ACBD6: variants seen among roughly 807,000 people sequenced by gnomAD.
ACBD6 encodes the protein acyl-CoA-binding domain-containing protein 6.
In ACBD6, 28 loss-of-function variants were observed where a neutral mutation model predicts 37.2. The ratio of observed to expected loss-of-function variants is 0.75; its 90% CI spans 0.56 to 1.03. The LOEUF (loss-of-function observed/expected upper bound fraction) is 1.03, where lower values mean the gene tolerates loss of function less well. Ranked by LOEUF, ACBD6 falls within the 50% of genes least tolerant of loss-of-function variation. The pLI is 0.00. For synonymous variants in ACBD6, 113 were observed against 126.8 expected (o/e 0.89, Z 0.73); for missense variants, 340 against 337.4 (o/e 1.01, Z -0.06).
At chr1:180,275,974 G>A (rs370226839) in intron 9 of ACBD6, 5 of 152,250 alleles carry the variant, frequency 3.3e-5, no homozygotes, top group African/African-American at 1.2e-4. Context: ...GGGAAACGCT[G>A]TCCTGAATGG....
intron 3 of ACBD6, among the ~76,000 whole-genome samples, chr1:180,478,902 A>G (rs1317995602): frequency 1.3e-5 from 2 of 152,166 alleles, no homozygotes; most frequent in Non-Finnish European, 2.9e-5. Flanking sequence ...CCAAGGCAGG[A>G]GGATCACTTG....
At chr1:180,468,546 CT>C (rs1447775810) in intron 3 of ACBD6, among the ~76,000 whole-genome samples, 1 of 152,174 alleles carries the variant, frequency 6.6e-6, no homozygotes, top group Admixed American at 6.5e-5. Context: ...GTAGTATATA[CT>C]GTTTTATCTT....
intron 8 of ACBD6, among the ~76,000 whole-genome samples, chr1:180,282,144 G>A (rs1649331805): frequency 6.6e-6 from 1 of 152,228 alleles, no homozygotes; most frequent in South Asian, 2.1e-4. Context: ...AATTGGGCAA[G>A]TTACAGGGTG....
At chr1:180,368,461 T>C (rs1653133528) in intron 6 of ACBD6, among the ~76,000 whole-genome samples, 1 of 152,204 alleles carries the variant, frequency 6.6e-6, no homozygotes, top group African/African-American at 2.4e-5. Flanking sequence ...AGTTTCTATG[T>C]CCAGGATGGT....
exon 14 of ACBD6, chr1:180,271,760 C>T (rs1165727967): frequency 6.4e-7 from 1 of 1,557,530 alleles, no homozygotes; most frequent in Non-Finnish European, 8.9e-7. Context: ...TTCCAGCCGC[C>T]CGCCTAGGGG....
intron 6 of ACBD6, among the ~76,000 whole-genome samples, chr1:180,388,188 A>G (rs1196607573): frequency 1.3e-5 from 2 of 151,928 alleles, no homozygotes; most frequent in Non-Finnish European, 2.9e-5. Context: ...AAAAAAAAAA[A>G]AAAAGAAAAA....
At chr1:180,453,133 G>T (rs975756370) in intron 3 of ACBD6, among the ~76,000 whole-genome samples, 3 of 152,132 alleles carry the variant, frequency 2.0e-5, no homozygotes, top group African/African-American at 4.8e-5. Context: ...TTTCAGGCCA[G>T]TATCCCTGAT....
At chr1:180,473,592 A>C (rs1226690184) in intron 3 of ACBD6, among the ~76,000 whole-genome samples, 1 of 152,238 alleles carries the variant, frequency 6.6e-6, no homozygotes, top group East Asian at 1.9e-4. Context: ...AGAATTTCAA[A>C]AACTGTAAAA....
chr1:180,455,293 T>TG, intron 3 of ACBD6, among the ~76,000 whole-genome samples: 1 of 152,140 alleles, frequency 6.6e-6, no homozygotes, highest in East Asian at 1.9e-4. Flanking sequence ...ACACCACATA[T>TG]TCTCATTCAT....
intron 5 of ACBD6, among the ~76,000 whole-genome samples, chr1:180,413,097 G>A (rs377300120): frequency 9.2e-5 from 14 of 152,074 alleles, no homozygotes; most frequent in East Asian, 5.8e-4. Flanking sequence ...CTTATTATGC[G>A]AATAATCTCT....
At chr1:180,349,963 A>C (rs935396932) in intron 6 of ACBD6, among the ~76,000 whole-genome samples, 1 of 151,196 alleles carries the variant, frequency 6.6e-6, no homozygotes, top group African/African-American at 2.4e-5. Flanking sequence ...ATTTTGATGT[A>C]ATCAACCAGG....
intron 6 of ACBD6, among the ~76,000 whole-genome samples, chr1:180,316,334 G>A (rs61811590): frequency 7.0e-6 from 1 of 143,836 alleles, no homozygotes; most frequent in South Asian, 2.2e-4. Context: ...GTGCGTGAGT[G>A]CGCACACACA....
intron 3 of ACBD6, among the ~76,000 whole-genome samples, chr1:180,490,115 AAC>A (rs1651435013): frequency 6.6e-6 from 1 of 152,216 alleles, no homozygotes; most frequent in Non-Finnish European, 1.5e-5. Flanking sequence ...GAAGGATGAG[AAC>A]ACAGTGACTG....
At chr1:180,358,813 A>G (rs1001499226) in intron 6 of ACBD6, among the ~76,000 whole-genome samples, 4 of 152,228 alleles carry the variant, frequency 2.6e-5, no homozygotes, top group Non-Finnish European at 5.9e-5. Context: ...TGCTGGCACC[A>G]GGCCCATGTC....
chr1:180,306,367 T>G (rs1464460762), intron 7 of ACBD6, among the ~76,000 whole-genome samples: 1 of 152,152 alleles, frequency 6.6e-6, no homozygotes, highest in Non-Finnish European at 1.5e-5. Context: ...ATAAATTTTC[T>G]TAAGGAAATT....
At chr1:180,364,682 G>C (rs958802131) in intron 6 of ACBD6, among the ~76,000 whole-genome samples, 1 of 151,878 alleles carries the variant, frequency 6.6e-6, no homozygotes, top group Non-Finnish European at 1.5e-5. Context: ...TTAGTGGAGA[G>C]GAGTCCTGCA....
intron 6 of ACBD6, among the ~76,000 whole-genome samples, chr1:180,323,386 C>T (rs1000072446): frequency 3.3e-5 from 5 of 151,964 alleles, no homozygotes; most frequent in African/African-American, 7.2e-5. Context: ...TACAGTCATT[C>T]GATGAAATGT....
intron 6 of ACBD6, among the ~76,000 whole-genome samples, chr1:180,364,237 C>T (rs1174889997): frequency 6.6e-6 from 1 of 152,314 alleles, no homozygotes; most frequent in African/African-American, 2.4e-5. Flanking sequence ...ATAAGCTACA[C>T]TTTAAGAGGA....
chr1:180,292,373 C>A (rs1649743714), intron 7 of ACBD6, among the ~76,000 whole-genome samples: 1 of 152,116 alleles, frequency 6.6e-6, no homozygotes, highest in South Asian at 2.1e-4. Context: ...ACATACAAAT[C>A]TTACTCTTAT....
Sources: gnomAD v4.1 joint callset for allele counts (sites outside exome capture counted in the v4.1 genomes callset) on GRCh38, gnomAD v4.1.1 for gene constraint, MANE v1.5 for transcripts, NCBI Gene and HGNC (gene_info 2026-07-23, HGNC 2026-07-21) for gene names.